The following MEGF10 variants were observed in gnomAD, a reference collection of about 807,000 sequenced individuals.
MEGF10 encodes the protein multiple epidermal growth factor-like domains protein 10.
In MEGF10, 86 loss-of-function variants were observed where a neutral mutation model predicts 147.5. The observed-to-expected ratio is 0.58, with a 90% CI of 0.49 to 0.70. MEGF10 has a LOEUF of 0.70. Among genes scored for constraint, MEGF10 ranks in the 30% least tolerant of loss-of-function variants. The pLI is 0.00. For missense variants in MEGF10, 1,329 were observed against 1,487.3 expected (o/e 0.89, Z 1.75); for synonymous variants, 478 against 525.5 (o/e 0.91, Z 1.24).
At chr5:127,390,754 A>G (rs1763618420) in intron 5 of MEGF10, among the ~76,000 whole-genome samples, 1 of 152,136 alleles carries the variant, frequency 6.6e-6, no homozygotes, top group South Asian at 2.1e-4. Context: ...GTTGTTTTCA[A>G]TTTATTGTTA....
chr5:127,259,441 G>C, the MEGF10 span, among the ~76,000 whole-genome samples: 1,918 of 152,274 alleles, frequency 0.013, 19 homozygotes, highest in African/African-American at 0.032. Context: ...AATGTCAAAG[G>C]GGGGAGAGTG....
intron 1 of MEGF10, among the ~76,000 whole-genome samples, chr5:127,299,460 G>A (rs750334622): frequency 2.0e-5 from 3 of 152,158 alleles, no homozygotes; most frequent in Non-Finnish European, 2.9e-5. Flanking sequence ...TTTCAAACTG[G>A]ATTCTAGCCC....
intron 22 of MEGF10, among the ~76,000 whole-genome samples, chr5:127,449,873 C>T (rs977628934): frequency 1.3e-5 from 2 of 151,810 alleles, no homozygotes; most frequent in African/African-American, 4.8e-5. Context: ...TTTATATTTA[C>T]CATACTAAAT....
intron 19 of MEGF10, chr5:127,444,602 G>C (rs896888657): frequency 1.3e-5 from 2 of 152,162 alleles, no homozygotes; most frequent in Admixed American, 6.5e-5. Flanking sequence ...AATTTTTTTA[G>C]ATGCCAGATT....
At chr5:127,331,154 C>A in intron 1 of MEGF10, 137 bp from the exon 2 acceptor site, 1 of 564,998 alleles carries the variant, frequency 1.8e-6, no homozygotes, top group Non-Finnish European at 3.2e-6. Flanking sequence ...ATTTGGTGAC[C>A]TGGCTATTGA....
intron 1 of MEGF10, among the ~76,000 whole-genome samples, chr5:127,309,775 C>T (rs1167144459): frequency 6.6e-6 from 1 of 151,960 alleles, no homozygotes; most frequent in Non-Finnish European, 1.5e-5. Flanking sequence ...CTGTTCAATT[C>T]CCTGCTTTCA....
chr5:127,427,887 A>C (rs1010111261), intron 13 of MEGF10, among the ~76,000 whole-genome samples: 1 of 152,220 alleles, frequency 6.6e-6, no homozygotes, highest in South Asian at 2.1e-4. Flanking sequence ...ATGACTCACT[A>C]TCTGACCCTT....
At chr5:127,325,826 AGTATATATATATATATACATATATGTGT>A (rs1487422416) in intron 1 of MEGF10, among the ~76,000 whole-genome samples, 7,882 of 100,144 alleles carry the variant, frequency 0.079, 318 homozygotes, top group Non-Finnish European at 0.12. Flanking sequence ...CAGATTTGAG[AGTATATATATATATATACATATATGTGT>A]GTATATATAT....
rs1761868866 is a variant in MEGF10, at chr5:127,345,932, G to A, written c.319+5302G>A. Among the ~76,000 whole-genome samples, 7 of 152,096 alleles carry A rather than the reference G, an allele frequency of 4.6e-5. No homozygotes were observed. In the South Asian group the frequency reaches 1.5e-3, roughly 32 times the overall value. On this transcript the variant is annotated intron_variant, in intron 4 of 24. Transcript: ENST00000503335. ...TCATGGCTTAGCTCCTACTTAATAA[G>A]ACAGAATATACAGTGTTTGGTTTTC... is the stretch of plus-strand genomic sequence containing the variant.
chr5:127,446,344 C>A (rs1039976760), intron 20 of MEGF10, among the ~76,000 whole-genome samples: 1 of 152,132 alleles, frequency 6.6e-6, no homozygotes, highest in African/African-American at 2.4e-5. Context: ...TTATTGAAGG[C>A]CTTCTGGTTG....
At chr5:127,442,547 A>G (rs1323103556) in intron 18 of MEGF10, among the ~76,000 whole-genome samples, 25 of 152,202 alleles carry the variant, frequency 1.6e-4, no homozygotes, top group Admixed American at 1.6e-3. Context: ...TCAATTGAGA[A>G]TGTGCGTTTA....
At chr5:127,335,703 A>G (rs1761442760) in intron 2 of MEGF10, among the ~76,000 whole-genome samples, 1 of 152,102 alleles carries the variant, frequency 6.6e-6, no homozygotes. Flanking sequence ...TGTTTTAGAA[A>G]TATGTGCATG....
chr5:127,435,882 T>C lies in MEGF10; in HGVS notation c.2104+393T>C, dbSNP rs372412345. 2.6e-5 allele frequency among the ~76,000 whole-genome samples: 4 copies of C among 152,184 alleles called. No individual in the cohort carries two copies. The East Asian group carries it at 5.8e-4, about 22-fold the overall frequency. On this transcript the variant is annotated intron_variant, in intron 16 of 24. Transcript: ENST00000503335. The stretch of plus-strand genomic sequence containing the variant: ...AAATGATGTGAGCCTTAGAAACCTA[T>C]TGGGAACCTGAGCGAACTGCCCACC...
At chr5:127,250,916 T>TA in the MEGF10 span, among the ~76,000 whole-genome samples, 1 of 151,854 alleles carries the variant, frequency 6.6e-6, no homozygotes, top group African/African-American at 2.4e-5. Flanking sequence ...ACAATAATAA[T>TA]AAAAAACCCT....
At chr5:127,282,902 A>G in the MEGF10 span, among the ~76,000 whole-genome samples, 1 of 152,198 alleles carries the variant, frequency 6.6e-6, no homozygotes, top group East Asian at 1.9e-4. Context: ...TGTGAAGACT[A>G]AGGAAAGAAA....
the MEGF10 span, among the ~76,000 whole-genome samples, chr5:127,268,768 C>T: frequency 5.3e-5 from 8 of 152,232 alleles, no homozygotes; most frequent in African/African-American, 1.9e-4. Flanking sequence ...AGTTTGAGAT[C>T]TGAGAACGGA....
At chr5:127,396,256 G>T (rs1480496408) in intron 5 of MEGF10, among the ~76,000 whole-genome samples, 2 of 152,122 alleles carry the variant, frequency 1.3e-5, no homozygotes, top group African/African-American at 4.8e-5. Context: ...TCCACACTCT[G>T]GATGCAGAAC....
At chr5:127,269,124 C>A in the MEGF10 span, among the ~76,000 whole-genome samples, 1 of 152,148 alleles carries the variant, frequency 6.6e-6, no homozygotes, top group Non-Finnish European at 1.5e-5. Flanking sequence ...TAGACAAAAC[C>A]ACAAAGATGG....
chr5:127,454,455 G>C (rs777755577), intron 22 of MEGF10, 111 bp from the exon 23 acceptor site: 21 of 850,076 alleles, frequency 2.5e-5, no homozygotes, highest in Non-Finnish European at 3.3e-5. Flanking sequence ...AAGAGCAGCA[G>C]CCTGGTTGTT....
Sources: allele counts gnomAD v4.1 joint callset (sites outside exome capture counted in the v4.1 genomes callset), GRCh38; gene constraint gnomAD v4.1.1; transcripts MANE v1.5; gene names NCBI Gene and HGNC (gene_info 2026-07-23, HGNC 2026-07-21).